The following TBC1D9 variants were observed in gnomAD, a reference collection of about 807,000 sequenced individuals.
TBC1D9 encodes TBC1 domain family member 9A.
A neutral mutation model predicts 132.0 loss-of-function variants in TBC1D9; 63 were observed. The ratio of observed to expected loss-of-function variants is 0.48; its 90% CI spans 0.39 to 0.59. The LOEUF (loss-of-function observed/expected upper bound fraction) is 0.59. TBC1D9 is among the 20% of genes least tolerant of loss of function. TBC1D9 has a pLI of 0.00. For synonymous variants in TBC1D9, 610 were observed against 609.9 expected (o/e 1.00, Z 0.00); for missense variants, 1,261 against 1,592.7 (o/e 0.79, Z 3.54).
chr4:140,698,848 C>T (rs1738019252), intron 2 of TBC1D9, among the ~76,000 whole-genome samples: 1 of 152,284 alleles, frequency 6.6e-6, no homozygotes, highest in Non-Finnish European at 1.5e-5. Flanking sequence ...TGAAATCACA[C>T]CCAGATAACC....
At chr4:140,694,714 A>G (rs1376739966) in intron 2 of TBC1D9, among the ~76,000 whole-genome samples, 4 of 149,476 alleles carry the variant, frequency 2.7e-5, no homozygotes, top group Non-Finnish European at 5.9e-5. Flanking sequence ...CTGTAAATAT[A>G]TAGTATACAC....
At chr4:140,752,743 T>A (rs1013740178) in intron 1 of TBC1D9, among the ~76,000 whole-genome samples, 1 of 152,174 alleles carries the variant, frequency 6.6e-6, no homozygotes, top group African/African-American at 2.4e-5. Flanking sequence ...TTGCTTGGAA[T>A]CAGGAACCTA....
At chr4:140,631,368 G>A (rs956540840) in intron 16 of TBC1D9, among the ~76,000 whole-genome samples, 5 of 151,426 alleles carry the variant, frequency 3.3e-5, no homozygotes, top group Non-Finnish European at 7.4e-5. Flanking sequence ...GACTACAGGC[G>A]CCCACCAGTA....
Position 140,662,678 on chromosome 4 carries a change from A to T in TBC1D9, c.1589-571T>A, listed in dbSNP as rs552793222. Among the ~76,000 whole-genome samples the T allele has an allele frequency of 2.5e-4, 38 of 152,168 alleles. 1 individual carries two copies. The highest frequency in any genetic ancestry group is 1.8e-4 in the Non-Finnish European group (12 of 68,016). ...GTATTCCTAACAGTGGTGAGTCATC[A>T]TTGTTGACAGAAGTTCCTCAGGTGT... On this transcript the variant is annotated intron_variant, in intron 9 of 20. Transcript: ENST00000442267.
At chr4:140,660,841 G>A (rs142478031) in intron 10 of TBC1D9, among the ~76,000 whole-genome samples, 1 of 152,334 alleles carries the variant, frequency 6.6e-6, no homozygotes, top group African/African-American at 2.4e-5. Context: ...GTGTGTTGAA[G>A]TAGGAGTTCA....
intron 1 of TBC1D9, among the ~76,000 whole-genome samples, chr4:140,736,346 G>T (rs1738672432): frequency 6.6e-6 from 1 of 152,030 alleles, no homozygotes; most frequent in Admixed American, 6.6e-5. Context: ...TTTGAGACCA[G>T]CCTGGCCAAC....
intron 1 of TBC1D9, among the ~76,000 whole-genome samples, chr4:140,754,092 T>G (rs543542298): frequency 6.6e-6 from 1 of 152,288 alleles, no homozygotes; most frequent in South Asian, 2.1e-4. Context: ...AAGATGAGAT[T>G]TCAAGTGGAC....
chr4:140,725,398 C>G (rs1337077976), intron 1 of TBC1D9, among the ~76,000 whole-genome samples: 1 of 152,120 alleles, frequency 6.6e-6, no homozygotes, highest in African/African-American at 2.4e-5. Context: ...AGGAGCCAAC[C>G]TGGAGATTCA....
intron 3 of TBC1D9, among the ~76,000 whole-genome samples, chr4:140,680,691 G>T (rs369991046): frequency 6.6e-6 from 1 of 152,010 alleles, no homozygotes; most frequent in South Asian, 2.1e-4. Flanking sequence ...TGCTCCCACC[G>T]CATCACTGTA....
At chr4:140,698,945 C>T (rs1260380392) in intron 2 of TBC1D9, among the ~76,000 whole-genome samples, 1 of 152,182 alleles carries the variant, frequency 6.6e-6, no homozygotes, top group East Asian at 1.9e-4. Flanking sequence ...CACTGGTTCA[C>T]ACTGGGCTGT....
rs933528797 is a variant in TBC1D9 at position 140,662,147 on chromosome 4, A to G, written c.1589-40T>C. The stretch of plus-strand genomic sequence containing the variant: ...ACAGATACAGTATCAAAAACGTGAG[A>G]GCTCTGCCTTTTGGTTTGCAACTAC... On this transcript the variant is annotated intron_variant, in intron 9 of 20. Coordinates refer to ENST00000442267, the MANE Select transcript of TBC1D9 (RefSeq NM_015130.3). 7.8e-6 allele frequency: 12 copies of G among 1,539,212 alleles called. 1 individual carries two copies. The African/African-American group carries it at 1.1e-4, about 14-fold the overall frequency.
In TBC1D9 at chr4:140,700,460, C is replaced by CA. The variant is rs72482108; in HGVS notation, c.241+1043dup. ...GCAAGACTCCGTCCCAAAAAAAAAA[C>CA]AAAAAAAAACTTGCCCAGTTTGGAC... On this transcript the variant is annotated intron_variant, in intron 2 of 20. Transcript: ENST00000442267. 1.1e-4 allele frequency among the ~76,000 whole-genome samples: 16 copies of CA among 146,888 alleles called. No individual in the cohort carries two copies. The East Asian group carries it at 2.0e-3, about 18-fold the overall frequency.
chr4:140,739,764 A>C (rs1414566473), intron 1 of TBC1D9, among the ~76,000 whole-genome samples: 1 of 152,244 alleles, frequency 6.6e-6, no homozygotes, highest in Admixed American at 6.5e-5. Context: ...GCTACTAGGG[A>C]AGCTGAAGTG....
intron 1 of TBC1D9, among the ~76,000 whole-genome samples, chr4:140,708,187 C>A (rs1738176999): frequency 6.6e-6 from 1 of 152,084 alleles, no homozygotes; most frequent in Non-Finnish European, 1.5e-5. Flanking sequence ...ACCATAGTTT[C>A]CAATATTATA....
At position 140,622,361 on chromosome 4, in the gene TBC1D9, G is replaced by A. The variant is rs773956951; in HGVS notation, c.3635C>T (p.Thr1212Ile). ...STSLDRDWAI[T>I]FEQFLASLLT... ...GAGGGAGGCCAGGAACTGCTCGAAGGTGATGGCCCAGTCCCGGTCCAGGCT... is the reference window on the plus strand; with the variant it reads ...GAGGGAGGCCAGGAACTGCTCGAAGATGATGGCCCAGTCCCGGTCCAGGCT... The change falls in exon 21 of 21, where the codon ACC (threonine) becomes ATC (isoleucine). Residue 1212 changes from threonine to isoleucine, a missense_variant. Coordinates refer to ENST00000442267, the MANE Select transcript of TBC1D9 (RefSeq NM_015130.3). The A allele has an allele frequency of 6.2e-7, 1 of 1,613,606 alleles. No homozygotes were observed. Among genetic ancestry groups the A allele is most frequent in the East Asian group, 2.2e-5 (1 of 44,854 alleles).
At position 140,665,104 on chromosome 4, in the gene TBC1D9, C is replaced by T. The variant is rs1168073756; in HGVS notation, c.1589-2997G>A. 2.2e-5 allele frequency among the ~76,000 whole-genome samples: 3 copies of T among 138,042 alleles called. No homozygotes were observed. The Admixed American group carries it at 2.2e-4, about 10-fold the overall frequency. The allele number at this position is 138,042 out of a possible 152,430, so 90.6% of individuals were successfully genotyped here. On this transcript the variant is annotated intron_variant, in intron 9 of 20. Transcript: ENST00000442267. ...CCTGGGTGACAGGGTGAGACTCAGT[C>T]TCCAGAAAAAAAAAAAAAAAAAAAT...
intron 2 of TBC1D9, among the ~76,000 whole-genome samples, chr4:140,694,954 G>C (rs1001696592): frequency 6.6e-6 from 1 of 152,052 alleles, no homozygotes; most frequent in African/African-American, 2.4e-5. Context: ...AAAGATACGA[G>C]AATAGTCCTT....
chr4:140,751,231 T>C (rs1738918781), intron 1 of TBC1D9, among the ~76,000 whole-genome samples: 1 of 152,136 alleles, frequency 6.6e-6, no homozygotes, highest in South Asian at 2.1e-4. Context: ...GGTGCAAGAA[T>C]ATGCTAATAA....
intron 3 of TBC1D9, among the ~76,000 whole-genome samples, chr4:140,682,584 A>C (rs1168373049): frequency 6.6e-6 from 1 of 152,230 alleles, no homozygotes; most frequent in Non-Finnish European, 1.5e-5. Context: ...GAAGGATCAA[A>C]AAATATCTAT....
Sources: allele counts gnomAD v4.1 joint callset (sites outside exome capture counted in the v4.1 genomes callset), GRCh38; gene constraint gnomAD v4.1.1; transcripts MANE v1.5; gene names NCBI Gene and HGNC (gene_info 2026-07-23, HGNC 2026-07-21).